Variants in MOK observed in about 807,000 individuals in gnomAD.
MOK encodes MOK protein kinase.
In MOK, 59 loss-of-function variants were observed where a neutral mutation model predicts 54.2. That is an observed-to-expected ratio of 1.09 (90% CI 0.88 to 1.35). MOK has a LOEUF of 1.35. Among genes scored for constraint, MOK ranks in the 40% most tolerant of loss-of-function variants. The probability of loss-of-function intolerance (pLI) is 0.00; values close to 1 mark genes in which losing one functional copy is unlikely to be tolerated. For synonymous variants in MOK, 210 were observed against 202.7 expected, an observed-to-expected ratio of 1.04 and a Z score of -0.31; for missense variants, 517 against 526.2, an observed-to-expected ratio of 0.98 and a Z score of 0.17.
At chr14:102,264,243 G>T in intron 3 of MOK, 1 of 146,142 alleles carries the variant, frequency 6.8e-6, no homozygotes, top group Non-Finnish European at 1.5e-5. Context: ...AAGAAAGAAA[G>T]AAAATTAATT....
chr14:102,216,791 G>A, the MOK span, among the ~76,000 whole-genome samples: 2 of 152,264 alleles, frequency 1.3e-5, no homozygotes, highest in South Asian at 2.1e-4. Flanking sequence ...TTAGCCGGGC[G>A]TGGTGGCGGG....
chr14:102,229,757 C>T, intron 10 of MOK, 100 bp from the exon 11 acceptor site: 1 of 1,091,172 alleles, frequency 9.2e-7, no homozygotes, highest in Non-Finnish European at 1.3e-6. Flanking sequence ...TTGCCTAATA[C>T]AATTTCTTGA....
intron 7 of MOK, among the ~76,000 whole-genome samples, chr14:102,241,218 G>A (rs1172270314): frequency 6.6e-6 from 1 of 152,016 alleles, no homozygotes; most frequent in Non-Finnish European, 1.5e-5. Context: ...TCCAAGCTCT[G>A]AGTCCTTTGA....
intron 6 of MOK, 53 bp downstream of exon 6, chr14:102,251,703 A>G (rs2066540100): frequency 4.2e-6 from 6 of 1,424,892 alleles, no homozygotes; most frequent in East Asian, 2.3e-5. Context: ...TTCGGGAAAG[A>G]TTTTCTATTC....
chr14:102,224,660 T>C (rs960192523), downstream of MOK: 4 of 455,922 alleles, frequency 8.8e-6, no homozygotes, highest in Non-Finnish European at 1.3e-5. Context: ...CACGGAAAAC[T>C]TCACATCAGC....
rs1047934025 is a variant in MOK at position 102,230,524 on chromosome 14, G to A, written c.982-867C>T. 4 of 152,226 alleles carry A rather than the reference G, an allele frequency of 2.6e-5. No individual in the cohort carries two copies. The highest frequency in any genetic ancestry group is 9.7e-5 in the African/African-American group (4 of 41,420). The allele number at this position is 152,226 out of a possible 1,614,324, so 9.4% of individuals were successfully genotyped here. Reference sequence around the variant, plus strand: ...GTGTAACGAACACCCCACGGCCACGGGGCCTAAAATATTTCCTATCAGACC... The same window carrying A: ...GTGTAACGAACACCCCACGGCCACGAGGCCTAAAATATTTCCTATCAGACC... On this transcript the variant is annotated intron_variant, in intron 10 of 11. Transcript: ENST00000361847. This position sits in a 1 kb window ranked among gnomAD's most constrained non-coding sequence, Gnocchi z 4.1.
intron 2 of MOK, among the ~76,000 whole-genome samples, chr14:102,270,975 T>C (rs1461850483): frequency 1.3e-5 from 2 of 152,100 alleles, no homozygotes; most frequent in African/African-American, 4.8e-5. Flanking sequence ...GTGGATAACC[T>C]GAGGTCAGGA....
In MOK at chr14:102,245,775, A is replaced by G. The variant is rs2066047210; in HGVS notation, c.590+5037T>C. 6.6e-6 allele frequency among the ~76,000 whole-genome samples: 1 copy of G among 152,070 alleles called. No individual in the cohort carries two copies. Among genetic ancestry groups the G allele is most frequent in the Non-Finnish European group, 1.5e-5 (1 of 68,026 alleles). On this transcript the variant is annotated intron_variant, in intron 7 of 11. Transcript: ENST00000361847. The surrounding 1 kb of genome is among the most constrained non-coding windows in gnomAD (Gnocchi z 4.3). ...TCACATGGACGTGTGTGACACTTAC[A>G]ACCCCTACTGCAGCCAAACTCTCAG...
chr14:102,229,585 G>C lies in MOK; in HGVS notation c.1054C>G (p.Leu352Val). 2 of 1,614,220 alleles carry C rather than the reference G, an allele frequency of 1.2e-6. No homozygotes were observed. The highest frequency in any genetic ancestry group is 1.7e-6 in the Non-Finnish European group (2 of 1,180,042). Residue 352 changes from leucine (L) to valine (V), a missense_variant, in exon 11 of 12, where the codon CTA (leucine) becomes GTA (valine). Transcript: ENST00000361847. The stretch of plus-strand genomic sequence containing the variant: ...AGTCTGACCACTCCCGAAAGCTTTA[G>C]TTTGGGCAGTTCCATGACATAGGCC... ...GPAYVMELPK[L>V]KLSGVVRLSS...
At chr14:102,284,137 A>C (rs917170510) in intron 1 of MOK, among the ~76,000 whole-genome samples, 4 of 152,108 alleles carry the variant, frequency 2.6e-5, no homozygotes, top group African/African-American at 9.7e-5. Flanking sequence ...GGAAGCCTCT[A>C]GATCACTATG....
At chr14:102,259,589 C>A (rs2067224327) in intron 4 of MOK, among the ~76,000 whole-genome samples, 1 of 152,194 alleles carries the variant, frequency 6.6e-6, no homozygotes, top group Non-Finnish European at 1.5e-5. Context: ...GTGCCAACCA[C>A]ACAGGGTTGT....
chr14:102,225,694 T>C (rs1817202748), downstream of MOK: 5 of 154,792 alleles, frequency 3.2e-5, no homozygotes, highest in Admixed American at 3.1e-4. Flanking sequence ...TTTATTTTTA[T>C]GGTGCTGTTC....
chr14:102,293,723 A>G (rs962401607), intron 1 of MOK, among the ~76,000 whole-genome samples: 7 of 145,274 alleles, frequency 4.8e-5, no homozygotes, highest in African/African-American at 1.3e-4. Context: ...AAAAAAAAAA[A>G]AAAGAAAAGA....
rs1053634540 is a variant in MOK at position 102,245,552 on chromosome 14, C to A, written c.590+5260G>T. 6.6e-6 allele frequency among the ~76,000 whole-genome samples: 1 copy of A among 152,094 alleles called. No homozygotes were observed. Among genetic ancestry groups the A allele is most frequent in the Admixed American group, 6.5e-5 (1 of 15,274 alleles). On this transcript the variant is annotated intron_variant, in intron 7 of 11. Transcript: ENST00000361847. The surrounding 1 kb of genome is among the most constrained non-coding windows in gnomAD (Gnocchi z 4.3). ...TTCTCAGAAGCTCCCCAACTGAGCA[C>A]CTTGTGACCCCCTCCGCCTGCCCCT...
intron 2 of MOK, among the ~76,000 whole-genome samples, chr14:102,269,613 T>C (rs2068195505): frequency 6.6e-6 from 1 of 151,716 alleles, no homozygotes; most frequent in Admixed American, 6.6e-5. Flanking sequence ...GCTGGGATTA[T>C]AGGCACCTGC....
chr14:102,263,681 T>C, intron 3 of MOK, 65 bp from the exon 4 acceptor site: 4 of 1,101,232 alleles, frequency 3.6e-6, no homozygotes, highest in Non-Finnish European at 4.0e-6. Flanking sequence ...TAATCCAATA[T>C]TTAATTCATT....
Position 102,229,358 on chromosome 14 carries a change from C to A in MOK, c.1191G>T (p.Pro397=). 1 of 1,614,124 alleles carries A rather than the reference C, an allele frequency of 6.2e-7. No individual in the cohort carries two copies. Among genetic ancestry groups the A allele is most frequent in the East Asian group, 2.2e-5 (1 of 44,884 alleles). The change falls in exon 12 of 12, where the codon CCG becomes CCT. Residue 397 remains proline (P), a synonymous_variant. Coordinates refer to ENST00000361847, the MANE Select transcript of MOK (RefSeq NM_014226.3). ...GCGGGGCAGGCTTAAGGTCCTTCTGCGGATCTGTCTGTCAAAGAAAAATTA... is the reference window on the plus strand; with the variant it reads ...GCGGGGCAGGCTTAAGGTCCTTCTGAGGATCTGTCTGTCAAAGAAAAATTA... ...KCIPASKKTD[P]QKDLKPAPQQ...
At chr14:102,271,870 T>C (rs931742412) in intron 2 of MOK, among the ~76,000 whole-genome samples, 1 of 151,244 alleles carries the variant, frequency 6.6e-6, no homozygotes, top group Non-Finnish European at 1.5e-5. Flanking sequence ...CAAAACCTAA[T>C]AAAGACTTTT....
intron 7 of MOK, among the ~76,000 whole-genome samples, chr14:102,237,695 G>T (rs1597292770): frequency 6.6e-6 from 1 of 152,164 alleles, no homozygotes; most frequent in Non-Finnish European, 1.5e-5. Context: ...GCCAAAAGAT[G>T]AGGAATAGCC....
Sources: allele counts gnomAD v4.1 joint callset (sites outside exome capture counted in the v4.1 genomes callset), GRCh38; gene constraint gnomAD v4.1.1; non-coding constraint Gnocchi (gnomAD v3.1); transcripts MANE v1.5; gene names NCBI Gene and HGNC (gene_info 2026-07-23, HGNC 2026-07-21).